SPTAN1: variants seen among roughly 807,000 people sequenced by gnomAD.
SPTAN1 encodes the protein spectrin alpha chain, non-erythrocytic 1.
A neutral mutation model predicts 331.3 loss-of-function variants in SPTAN1; 61 were observed. The ratio of observed to expected loss-of-function variants is 0.18; its 90% CI spans 0.15 to 0.23. SPTAN1 has a LOEUF of 0.23. SPTAN1 is among the 10% of genes least tolerant of loss of function. SPTAN1 has a pLI of 1.00. For missense variants in SPTAN1, 2,043 were observed against 3,147.9 expected (o/e 0.65, Z 8.40); for synonymous variants, 1,153 against 1,173.9 (o/e 0.98, Z 0.36).
Position 128,611,796 on chromosome 9 carries a change from A to G in SPTAN1, c.4856A>G (p.Asn1619Ser). Residue 1619 changes from asparagine (N) to serine (S), a missense_variant, in exon 38 of 57, where the codon AAC becomes AGC. Physicochemically the swap from Asn to Ser is conservative, Grantham distance 46. Coordinates refer to ENST00000372739, the MANE Select transcript of SPTAN1 (RefSeq NM_001130438.3). Reference protein sequence around the residue: ...DRIRGVIDMGNSLIERGACAG... With the variant: ...DRIRGVIDMGSSLIERGACAG... ...ATCCGTGGGGTTATCGACATGGGCA[A>G]CTCCCTCATTGAACGTGGAGCCTGT... is the stretch of plus-strand genomic sequence containing the variant. 6.2e-7 allele frequency: 1 copy of G among 1,613,964 alleles called. No individual in the cohort carries two copies. Among genetic ancestry groups the G allele is most frequent in the Admixed American group, 1.7e-5 (1 of 59,994 alleles).
chr9:128,569,706 A>G (rs1174453835), intron 3 of SPTAN1, among the ~76,000 whole-genome samples: 1 of 152,046 alleles, frequency 6.6e-6, no homozygotes, highest in Non-Finnish European at 1.5e-5. Context: ...CTGTCAAAGC[A>G]GTCCTGAAGA....
intron 20 of SPTAN1, among the ~76,000 whole-genome samples, chr9:128,587,960 C>T (rs185797321): frequency 1.6e-4 from 25 of 152,154 alleles, no homozygotes; most frequent in Non-Finnish European, 3.5e-4. Flanking sequence ...ATTTTCCTGA[C>T]TCAGCCTCCT....
intron 23 of SPTAN1, 74 bp from the exon 24 acceptor site, chr9:128,594,101 G>T: frequency 7.1e-7 from 1 of 1,417,830 alleles, no homozygotes; most frequent in Non-Finnish European, 1.0e-6. Flanking sequence ...GACACCTCGT[G>T]GTTTGCCTTT....
intron 9 of SPTAN1, among the ~76,000 whole-genome samples, chr9:128,579,111 G>A (rs1271617735): frequency 6.6e-6 from 1 of 152,146 alleles, no homozygotes; most frequent in Admixed American, 6.5e-5. Context: ...ACGATCTTCT[G>A]TGAAGGTGTA....
At chr9:128,565,305 AAAAAC>A (rs1394217850) in intron 1 of SPTAN1, among the ~76,000 whole-genome samples, 16 of 152,256 alleles carry the variant, frequency 1.1e-4, no homozygotes, top group African/African-American at 3.9e-4. Context: ...GTCTCAAACA[AAAAAC>A]AAAAAAAAGC....
At chr9:128,630,860 A>G (rs1859602770) in intron 52 of SPTAN1, among the ~76,000 whole-genome samples, 1 of 152,018 alleles carries the variant, frequency 6.6e-6, no homozygotes, top group Non-Finnish European at 1.5e-5. Context: ...GCCCACCACC[A>G]CACCTGGGTA....
Position 128,626,732 on chromosome 9 carries a change from CCT to C in SPTAN1, c.6576+50_6576+51del, listed in dbSNP as rs774488815. 1.4e-5 allele frequency: 21 copies of C among 1,549,302 alleles called. No homozygotes were observed. The South Asian group carries it at 2.3e-4, about 17-fold the overall frequency. On this transcript the variant is annotated intron_variant, in intron 49 of 56. Coordinates refer to ENST00000372739, the MANE Select transcript of SPTAN1 (RefSeq NM_001130438.3). Reference sequence around the variant, plus strand: ...CAGGAGCTGCTCGGCCTCCCAGAGCCCTCTCTGGGCCCTGCTCAGAGCCCACA... The same window carrying C: ...CAGGAGCTGCTCGGCCTCCCAGAGCCCTCTGGGCCCTGCTCAGAGCCCACA...
chr9:128,573,988 C>T (rs140983075), intron 3 of SPTAN1, among the ~76,000 whole-genome samples: 3,481 of 152,232 alleles, frequency 0.023, 135 homozygotes, highest in African/African-American at 0.08. Context: ...CTCCTGACCT[C>T]GTGCTCTGCC....
chr9:128,557,799 C>CTT lies in SPTAN1; in HGVS notation c.-4+5124_-4+5125dup, dbSNP rs72214808. Among the ~76,000 whole-genome samples, 116 of 84,964 alleles carry CTT rather than the reference C, an allele frequency of 1.4e-3. 1 individual carries two copies. Among genetic ancestry groups the CTT allele is most frequent in the African/African-American group, 2.5e-3 (56 of 22,408 alleles). The allele number at this position is 84,964 out of a possible 152,430, so 55.7% of individuals were successfully genotyped here. On this transcript the variant is annotated intron_variant, in intron 1 of 56. Coordinates refer to ENST00000372739, the MANE Select transcript of SPTAN1 (RefSeq NM_001130438.3). ...TATCTTTGGATTAAATTAGAAATTT[C>CTT]TTTTTTTTTTTTTTTTTTTTTTGAG...
At chr9:128,610,733 T>G (rs1424608779) in intron 37 of SPTAN1, among the ~76,000 whole-genome samples, 1 of 152,156 alleles carries the variant, frequency 6.6e-6, no homozygotes, top group Non-Finnish European at 1.5e-5. Context: ...GCGCCCAGGA[T>G]CAGGAGCCCA....
At position 128,583,970 on chromosome 9, in the gene SPTAN1, G is replaced by A; in HGVS notation, c.2193+1G>A. On this transcript the variant is annotated splice_donor_variant, in intron 16 of 56. Coordinates refer to ENST00000372739, the MANE Select transcript of SPTAN1 (RefSeq NM_001130438.3). LOFTEE classifies it high-confidence loss of function. ...AGAGGCAGATGTGGCTGCTCACCAGGTAGTGTGAACTGGGGGCTGTGGTTG... is the reference window on the plus strand; with the variant it reads ...AGAGGCAGATGTGGCTGCTCACCAGATAGTGTGAACTGGGGGCTGTGGTTG... The A allele has an allele frequency of 6.2e-7, 1 of 1,614,132 alleles. No homozygotes were observed. The highest frequency in any genetic ancestry group is 8.5e-7 in the Non-Finnish European group (1 of 1,180,012).
At chr9:128,561,761 A>C (rs567336345) in intron 1 of SPTAN1, among the ~76,000 whole-genome samples, 1 of 150,360 alleles carries the variant, frequency 6.7e-6, no homozygotes, top group Non-Finnish European at 1.5e-5. Context: ...TGGGAACCGG[A>C]GGATCCCAGG....
At chr9:128,572,112 G>A (rs1850794713) in intron 3 of SPTAN1, among the ~76,000 whole-genome samples, 3 of 152,082 alleles carry the variant, frequency 2.0e-5, no homozygotes, top group Admixed American at 6.6e-5. Flanking sequence ...CGCCTGCCTC[G>A]GCCTCCCAAA....
At chr9:128,602,682 C>G (rs1409738875) in intron 27 of SPTAN1, among the ~76,000 whole-genome samples, 1 of 152,056 alleles carries the variant, frequency 6.6e-6, no homozygotes, top group Non-Finnish European at 1.5e-5. Context: ...GTTGCCCAGG[C>G]TGGAGTGCAG....
rs1461447155 is a variant in SPTAN1 at position 128,582,702 on chromosome 9, C to T, written c.1659C>T (p.Ser553=). ...DVATRRDALL[S]RRNALHERAM... is the part of the protein sequence containing the mutation. ...GGATCCTTGTCTTTCAGCTGTTGAG[C>T]CGCCGCAATGCCCTTCACGAGAGAG... is the stretch of plus-strand genomic sequence containing the variant. The change falls in exon 14 of 57, where the codon AGC becomes AGT. Residue 553 remains serine (S), a synonymous_variant. Coordinates refer to ENST00000372739, the MANE Select transcript of SPTAN1 (RefSeq NM_001130438.3). 6.2e-6 allele frequency: 10 copies of T among 1,613,244 alleles called. No homozygotes were observed. Among genetic ancestry groups the T allele is most frequent in the Admixed American group, 5.0e-5 (3 of 60,000 alleles).
chr9:128,564,009 A>G (rs1849713356), intron 1 of SPTAN1, among the ~76,000 whole-genome samples: 1 of 152,084 alleles, frequency 6.6e-6, no homozygotes, highest in Non-Finnish European at 1.5e-5. Flanking sequence ...ATGGTGGCTT[A>G]CACCTGTAAT....
chr9:128,615,104 G>C (rs1856997304), intron 40 of SPTAN1, among the ~76,000 whole-genome samples: 1 of 152,136 alleles, frequency 6.6e-6, no homozygotes, highest in Non-Finnish European at 1.5e-5. Flanking sequence ...TCTCATAAAA[G>C]TTTGAATTTT....
intron 3 of SPTAN1, among the ~76,000 whole-genome samples, chr9:128,574,336 A>G (rs1298243026): frequency 6.7e-6 from 1 of 148,378 alleles, no homozygotes; most frequent in African/African-American, 2.4e-5. Flanking sequence ...TACAATATAA[A>G]TATATCATAA....
intron 18 of SPTAN1, 70 bp from the exon 19 acceptor site, chr9:128,585,678 A>G (rs903673439): frequency 3.8e-6 from 5 of 1,328,316 alleles, no homozygotes; most frequent in East Asian, 2.3e-5. Flanking sequence ...ACACAGAGAA[A>G]ACTTATTTTT....
Sources: gnomAD v4.1 joint callset for allele counts (sites outside exome capture counted in the v4.1 genomes callset) on GRCh38, gnomAD v4.1.1 for gene constraint, MANE v1.5 for transcripts, NCBI Gene and HGNC (gene_info 2026-07-23, HGNC 2026-07-21) for gene names.